The following PUDP variants were observed in gnomAD, a reference collection of about 807,000 sequenced individuals.
PUDP encodes pseudouridine-5'-phosphatase.
Under a neutral mutation model 9.4 loss-of-function variants are expected in PUDP, and 8 were observed. The observed-to-expected ratio is 0.85, with a 90% CI of 0.50 to 1.53. The LOEUF (loss-of-function observed/expected upper bound fraction) is 1.53, where lower values mean the gene tolerates loss of function less well. Among genes scored for constraint, PUDP ranks in the 40% most tolerant of loss-of-function variants. PUDP has a pLI of 0.00. For synonymous variants in PUDP, 99 were observed against 80.7 expected (o/e 1.23, Z -1.22); for missense variants, 188 against 189.7 (o/e 0.99, Z 0.05).
chrX:7,035,622 C>T (rs910375305), intron 1 of PUDP, among the ~76,000 whole-genome samples: 6 of 112,214 alleles, frequency 5.3e-5, no homozygotes, highest in African/African-American at 1.6e-4. Flanking sequence ...TTAGACACAG[C>T]TCCTCTCAGT....
chrX:6,895,358 AT>A (rs1927574778), intron 3 of PUDP, among the ~76,000 whole-genome samples: 1 of 103,122 alleles, frequency 9.7e-6, no homozygotes. Context: ...AATATCTAAT[AT>A]TTTTAGTACT....
chrX:6,782,191 G>A (rs1925574046), intron 3 of PUDP, among the ~76,000 whole-genome samples: 2 of 111,265 alleles, frequency 1.8e-5, no homozygotes, highest in African/African-American at 6.5e-5. Context: ...AAATTCCGGT[G>A]CCCTAGTAGT....
intron 1 of PUDP, among the ~76,000 whole-genome samples, chrX:7,023,756 A>G (rs1336260543): frequency 1.8e-5 from 2 of 111,871 alleles, no homozygotes; most frequent in African/African-American, 6.5e-5. Context: ...GCTTTCTAAC[A>G]CAGCTTGAAA....
chrX:7,016,712 A>G (rs1330677800), intron 1 of PUDP, among the ~76,000 whole-genome samples: 1 of 110,916 alleles, frequency 9.0e-6, no homozygotes, highest in African/African-American at 3.3e-5. Flanking sequence ...TTCTCTGCTC[A>G]TGGAGCACTG....
At chrX:6,841,925 G>T (rs931144360) in intron 3 of PUDP, among the ~76,000 whole-genome samples, 6 of 111,057 alleles carry the variant, frequency 5.4e-5, no homozygotes, top group Non-Finnish European at 1.1e-4. Flanking sequence ...GGTTATGTGT[G>T]TGTATGTTTT....
At chrX:6,911,286 C>G (rs1245091034) in intron 3 of PUDP, among the ~76,000 whole-genome samples, 1 of 108,693 alleles carries the variant, frequency 9.2e-6, no homozygotes, top group Non-Finnish European at 1.9e-5. Context: ...AACTCTGCCT[C>G]AGGGTTCAAG....
chrX:7,140,995 G>A (rs5979036), intron 1 of PUDP, among the ~76,000 whole-genome samples: 5 of 109,969 alleles, frequency 4.5e-5, no homozygotes, highest in Non-Finnish European at 9.5e-5. Context: ...GAGAACTTAA[G>A]GGATAAATGT....
At chrX:7,106,086 G>T (rs1187887063) in intron 1 of PUDP, among the ~76,000 whole-genome samples, 2 of 112,357 alleles carry the variant, frequency 1.8e-5, no homozygotes, top group Non-Finnish European at 3.8e-5. Flanking sequence ...GGAGAGAAAT[G>T]AAATCTGTAT....
intron 2 of PUDP, among the ~76,000 whole-genome samples, chrX:7,083,118 C>A (rs1271780630): frequency 8.9e-6 from 1 of 112,162 alleles, no homozygotes; most frequent in African/African-American, 3.2e-5. Flanking sequence ...CCCTGAGACA[C>A]CTTGATTTCA....
At chrX:7,073,818 T>C (rs768260730) in intron 3 of PUDP, among the ~76,000 whole-genome samples, 2 of 113,308 alleles carry the variant, frequency 1.8e-5, no homozygotes, top group African/African-American at 3.2e-5. Context: ...TGTAGATTAA[T>C]AATAAGGAAA....
At position 6,841,085 on chromosome X, in the gene PUDP, C is replaced by T. The variant is rs775772426; in HGVS notation, c.*248-134619G>A. Among the ~76,000 whole-genome samples the T allele has an allele frequency of 5.5e-4, 61 of 110,107 alleles. 1 individual carries two copies. Among genetic ancestry groups the T allele is most frequent in the Non-Finnish European group, 9.5e-4 (50 of 52,677 alleles). On this transcript the variant is annotated intron_variant and NMD_transcript_variant, in intron 3 of 3. Transcript: ENST00000655425. ...CAAGGTCAGGAGTTCGAGACCAGCC[C>T]GGCCAATATTGTGAAACCCTGTCTC... is the stretch of plus-strand genomic sequence containing the variant.
intron 3 of PUDP, among the ~76,000 whole-genome samples, chrX:6,856,495 C>T (rs778041338): frequency 2.7e-5 from 3 of 112,237 alleles, no homozygotes; most frequent in East Asian, 2.8e-4. Context: ...TCTCAGTTCC[C>T]GCTTTAAGTT....
chrX:7,106,873 G>GGAAT lies in PUDP; in HGVS notation c.62-1039_62-1036dup, dbSNP rs778059020. On this transcript the variant is annotated intron_variant, in intron 1 of 3. Transcript: ENST00000381077. ...AAAAAAAGAAATACTTCAACACAGAGGAATGTCTACCAAGTGGAATTTCAA... is the reference window on the plus strand; with the variant it reads ...AAAAAAAGAAATACTTCAACACAGAGGAATGAATGTCTACCAAGTGGAATTTCAA... Among the ~76,000 whole-genome samples the GGAAT allele has an allele frequency of 2.7e-4, 30 of 111,633 alleles. 1 individual carries two copies. The highest frequency in any genetic ancestry group is 5.3e-4 in the Non-Finnish European group (28 of 53,123).
At position 6,953,571 on chromosome X, in the gene PUDP, G is replaced by A. The variant is rs568753929; in HGVS notation, c.*247+23562C>T. 7.2e-5 allele frequency among the ~76,000 whole-genome samples: 8 copies of A among 110,659 alleles called. No individual in the cohort carries two copies. In the South Asian group the frequency reaches 3.1e-3, roughly 43 times the overall value. ...AAATAGGTAGGATAGAACCCAGATTGTTTAGCCAGAGGTTCAAGATCAACC... is the reference window on the plus strand; with the variant it reads ...AAATAGGTAGGATAGAACCCAGATTATTTAGCCAGAGGTTCAAGATCAACC... On this transcript the variant is annotated intron_variant and NMD_transcript_variant, in intron 3 of 3. Transcript: ENST00000655425.
intron 1 of PUDP, among the ~76,000 whole-genome samples, chrX:7,018,925 G>A (rs187980658): frequency 2.7e-5 from 3 of 112,342 alleles, no homozygotes; most frequent in East Asian, 2.8e-4. Context: ...CTGATATCCC[G>A]ATATCTTGAG....
intron 1 of PUDP, among the ~76,000 whole-genome samples, chrX:6,985,355 G>A (rs993559199): frequency 9.0e-6 from 1 of 111,429 alleles, no homozygotes; most frequent in Non-Finnish European, 1.9e-5. Context: ...ACTTAATCTA[G>A]GTGGGTCCAA....
At chrX:6,759,179 T>G (rs1168485832) in intron 3 of PUDP, among the ~76,000 whole-genome samples, 1 of 112,380 alleles carries the variant, frequency 8.9e-6, no homozygotes, top group Admixed American at 9.4e-5. Context: ...GAGTCAGCTG[T>G]TCCCTTGTTT....
At chrX:6,710,154 A>T (rs1486139113) in intron 1 of PUDP, among the ~76,000 whole-genome samples, 4 of 111,702 alleles carry the variant, frequency 3.6e-5, no homozygotes, top group Non-Finnish European at 7.5e-5. Context: ...ACAAACAAAA[A>T]CAAACAAATG....
intron 3 of PUDP, among the ~76,000 whole-genome samples, chrX:6,737,208 C>T (rs189418823): frequency 2.5e-3 from 279 of 111,827 alleles, no homozygotes; most frequent in African/African-American, 8.7e-3. Flanking sequence ...GCTTCGAAGG[C>T]AGCTCATCTG....
Sources: gnomAD v4.1 joint callset for allele counts (sites outside exome capture counted in the v4.1 genomes callset) on GRCh38, gnomAD v4.1.1 for gene constraint, MANE v1.5 for transcripts, NCBI Gene and HGNC (gene_info 2026-07-23, HGNC 2026-07-21) for gene names.